PAK1: variants seen among roughly 807,000 people sequenced by gnomAD.
PAK1 encodes serine/threonine-protein kinase PAK 1.
Under a neutral mutation model 67.4 loss-of-function variants are expected in PAK1, and 29 were observed. The observed-to-expected ratio is 0.43, with a 90% confidence interval of 0.32 to 0.59. The LOEUF is 0.59. PAK1 is among the 20% of genes least tolerant of loss of function. The pLI, the probability that PAK1 is intolerant of heterozygous loss-of-function variation, is 0.07. For synonymous variants in PAK1, 223 were observed against 237.4 expected (o/e 0.94, Z 0.56); for missense variants, 337 against 670.7 (o/e 0.50, Z 5.50).
Position 77,453,516 on chromosome 11 carries a change from TAA to T in PAK1, c.-22+20034_-22+20035del, listed in dbSNP as rs35089028. On this transcript the variant is annotated intron_variant, in intron 1 of 14. Transcript: ENST00000356341. ...TATATTTAGAAAATGTGAGATATAT[TAA>T]AAAAAAAAAAAACAAGGGGGAAAAG... 6.4e-4 allele frequency among the ~76,000 whole-genome samples: 89 copies of T among 139,234 alleles called. No homozygotes were observed. In the Middle Eastern group the frequency reaches 0.027, roughly 42 times the overall value. The allele number at this position is 139,234 out of a possible 152,430, so 91.3% of individuals were successfully genotyped here. A position where few individuals can be genotyped will look rare whatever the true frequency, so the allele number is the denominator to read the frequency against.
intron 11 of PAK1, among the ~76,000 whole-genome samples, chr11:77,339,847 G>A (rs1238088885): frequency 6.6e-6 from 1 of 150,504 alleles, no homozygotes; most frequent in Non-Finnish European, 1.5e-5. Flanking sequence ...TTTAAGTAAT[G>A]GCAAAAACCG....
intron 1 of PAK1, among the ~76,000 whole-genome samples, chr11:77,423,580 TAAG>T (rs1346981014): frequency 6.6e-6 from 1 of 152,036 alleles, no homozygotes; most frequent in Non-Finnish European, 1.5e-5. Context: ...AACCAAAATT[TAAG>T]AAAAAAGGGT....
intron 10 of PAK1, among the ~76,000 whole-genome samples, chr11:77,343,263 TAAAA>T (rs35680227): frequency 6.1e-5 from 9 of 147,758 alleles, no homozygotes; most frequent in African/African-American, 7.4e-5. Flanking sequence ...CAAGCTTACG[TAAAA>T]AAAAAAAAAA....
the PAK1 span, among the ~76,000 whole-genome samples, chr11:77,497,199 T>C: frequency 6.6e-6 from 1 of 152,166 alleles, no homozygotes; most frequent in South Asian, 2.1e-4. Context: ...GGTCCTTATC[T>C]CCCCATGGAG....
At chr11:77,474,422 A>C (rs1041453720), upstream of PAK1, 1 of 151,612 alleles carries the variant, frequency 6.6e-6, no homozygotes, top group Non-Finnish European at 1.5e-5. Context: ...GCGTCGCGTC[A>C]CTGTTCTCGG....
At chr11:77,493,389 G>A in the PAK1 span, among the ~76,000 whole-genome samples, 9 of 138,536 alleles carry the variant, frequency 6.5e-5, no homozygotes, top group African/African-American at 1.4e-4. Context: ...AGCGATTCTC[G>A]TACCTCAGCC....
intron 1 of PAK1, among the ~76,000 whole-genome samples, chr11:77,426,236 C>A (rs1397954330): frequency 6.6e-6 from 1 of 151,990 alleles, no homozygotes; most frequent in East Asian, 1.9e-4. Flanking sequence ...TGGGAACCAC[C>A]ACCACCATCT....
At chr11:77,452,919 G>C (rs985914993) in intron 1 of PAK1, among the ~76,000 whole-genome samples, 6 of 152,102 alleles carry the variant, frequency 3.9e-5, no homozygotes, top group African/African-American at 1.4e-4. Context: ...CAGCAAATCA[G>C]GCTTATGACT....
intron 14 of PAK1, among the ~76,000 whole-genome samples, chr11:77,326,280 T>G (rs1399384481): frequency 6.6e-6 from 1 of 152,200 alleles, no homozygotes; most frequent in East Asian, 1.9e-4. Flanking sequence ...ACTCCGGGTT[T>G]CCCCACAAAC....
chr11:77,323,194 G>T lies in PAK1; in HGVS notation c.*80C>A. 1.9e-6 allele frequency: 3 copies of T among 1,595,636 alleles called. No individual in the cohort carries two copies. The stretch of plus-strand genomic sequence containing the variant: ...GGGAGAAGCAAGGCAAGGAGAAGAG[G>T]GCATCAGGAGTTGGAATTTCTGAAA... On this transcript the variant is annotated 3_prime_UTR_variant, in exon 15 of 15. Coordinates refer to ENST00000356341, the MANE Select transcript of PAK1 (RefSeq NM_002576.5).
At chr11:77,398,165 T>C (rs922231854) in intron 1 of PAK1, among the ~76,000 whole-genome samples, 1 of 152,352 alleles carries the variant, frequency 6.6e-6, no homozygotes, top group African/African-American at 2.4e-5. Context: ...ATTGTTATTA[T>C]TGATTACAGT....
the PAK1 span, among the ~76,000 whole-genome samples, chr11:77,522,387 G>A: frequency 6.6e-6 from 1 of 152,200 alleles, no homozygotes; most frequent in Non-Finnish European, 1.5e-5. Context: ...AGTTCTGCAA[G>A]TTGAGCTTGA....
At chr11:77,435,300 G>A (rs1417314934) in intron 1 of PAK1, among the ~76,000 whole-genome samples, 3 of 152,088 alleles carry the variant, frequency 2.0e-5, no homozygotes, top group Admixed American at 2.0e-4. Context: ...GACTTAAAGG[G>A]TCAGTCAAGT....
chr11:77,458,783 A>C (rs11828786), intron 1 of PAK1, among the ~76,000 whole-genome samples: 10,433 of 152,266 alleles, frequency 0.069, 811 homozygotes, highest in East Asian at 0.24. Flanking sequence ...CGAAAATTCA[A>C]GAAAGTTTGA....
intron 5 of PAK1, among the ~76,000 whole-genome samples, chr11:77,368,904 C>A (rs1422156338): frequency 6.6e-6 from 1 of 152,104 alleles, no homozygotes. Flanking sequence ...CACCATTAAC[C>A]CCAGAGGTAA....
At chr11:77,487,664 G>A in the PAK1 span, among the ~76,000 whole-genome samples, 1 of 151,990 alleles carries the variant, frequency 6.6e-6, no homozygotes, top group Non-Finnish European at 1.5e-5. Flanking sequence ...AGTACTTGCT[G>A]TGGGCCTGGG....
chr11:77,482,638 G>C, the PAK1 span, among the ~76,000 whole-genome samples: 1 of 149,160 alleles, frequency 6.7e-6, no homozygotes, highest in Admixed American at 6.7e-5. Context: ...CTGTCACCCA[G>C]GCTGGAGTGC....
At chr11:77,425,271 CT>C (rs142207968) in intron 1 of PAK1, among the ~76,000 whole-genome samples, 2,542 of 141,046 alleles carry the variant, frequency 0.018, 24 homozygotes, top group Non-Finnish European at 0.028. Context: ...CAGGCTTTTG[CT>C]TTTTTTTTTT....
chr11:77,334,933 A>C (rs1290860034), intron 13 of PAK1, among the ~76,000 whole-genome samples: 1 of 152,184 alleles, frequency 6.6e-6, no homozygotes, highest in African/African-American at 2.4e-5. Flanking sequence ...CTGATTATTA[A>C]GGTCATTAAG....
Sources: allele counts gnomAD v4.1 joint callset (sites outside exome capture counted in the v4.1 genomes callset), GRCh38; gene constraint gnomAD v4.1.1; transcripts MANE v1.5; gene names NCBI Gene and HGNC (gene_info 2026-07-23, HGNC 2026-07-21).